The following ANK2 variants were observed in gnomAD, a reference collection of about 807,000 sequenced individuals.
The protein encoded by ANK2 is ankyrin-2.
Under a neutral mutation model 360.5 loss-of-function variants are expected in ANK2, and 83 were observed. The observed-to-expected ratio is 0.23, with a 90% CI of 0.19 to 0.28. The LOEUF (loss-of-function observed/expected upper bound fraction) is 0.28. Ranked by LOEUF, ANK2 falls within the 10% of genes least tolerant of loss-of-function variation. The probability of loss-of-function intolerance (pLI) is 1.00; values close to 1 mark genes in which losing one functional copy is unlikely to be tolerated. For missense variants in ANK2, 4,201 were observed against 4,795.7 expected (o/e 0.88, Z 3.66); for synonymous variants, 1,740 against 1,759.5 (o/e 0.99, Z 0.28).
chr4:113,079,596 T>G (rs2081485829), intron 1 of ANK2, among the ~76,000 whole-genome samples: 1 of 152,206 alleles, frequency 6.6e-6, no homozygotes, highest in African/African-American at 2.4e-5. Context: ...GCAATAAATG[T>G]TTTTTAAGTA....
At chr4:112,780,589 T>A in the ANK2 span, among the ~76,000 whole-genome samples, 1 of 152,218 alleles carries the variant, frequency 6.6e-6, no homozygotes, top group African/African-American at 2.4e-5. Context: ...GATTAGGCTG[T>A]TCTTACACAG....
At chr4:112,879,676 T>C (rs2076186629) in intron 1 of ANK2, among the ~76,000 whole-genome samples, 1 of 152,168 alleles carries the variant, frequency 6.6e-6, no homozygotes, top group African/African-American at 2.4e-5. Flanking sequence ...ATGTATTGAG[T>C]TTTGGAACCG....
chr4:112,719,725 T>C, the ANK2 span, among the ~76,000 whole-genome samples: 2 of 102,552 alleles, frequency 2.0e-5, no homozygotes, highest in Non-Finnish European at 3.8e-5. Context: ...AGACTCCGAC[T>C]CAAAAAAAAA....
intron 2 of ANK2, among the ~76,000 whole-genome samples, chr4:112,936,806 T>C (rs141291179): frequency 2.4e-3 from 361 of 152,256 alleles, no homozygotes; most frequent in African/African-American, 7.9e-3. Flanking sequence ...GTTTGTTTTT[T>C]GAGACAAGGT....
chr4:112,810,010 C>T, the ANK2 span, among the ~76,000 whole-genome samples: 1 of 150,692 alleles, frequency 6.6e-6, no homozygotes, highest in South Asian at 2.1e-4. Flanking sequence ...TTGCCAATTG[C>T]TAACATGTTG....
intron 1 of ANK2, among the ~76,000 whole-genome samples, chr4:113,069,700 C>T (rs1056327300): frequency 6.6e-6 from 1 of 152,158 alleles, no homozygotes; most frequent in African/African-American, 2.4e-5. Flanking sequence ...ACCTCAGGGG[C>T]ACATGTGAGT....
chr4:113,296,792 C>T (rs2071760197), intron 22 of ANK2, among the ~76,000 whole-genome samples: 1 of 152,218 alleles, frequency 6.6e-6, no homozygotes. Context: ...CCAACAAGCC[C>T]AATCCACTAA....
intron 2 of ANK2, among the ~76,000 whole-genome samples, chr4:112,930,591 A>G (rs1351907807): frequency 6.6e-6 from 1 of 152,104 alleles, no homozygotes; most frequent in Non-Finnish European, 1.5e-5. Flanking sequence ...TGTAGGAGTA[A>G]GACTTAAAGT....
At chr4:112,738,822 G>A in the ANK2 span, 66 of 628,648 alleles carry the variant, frequency 1.0e-4, no homozygotes, top group South Asian at 1.6e-4. Flanking sequence ...AAGGTTCAAG[G>A]CCCAGATCTT....
At chr4:113,207,872 C>G (rs907604747) in intron 4 of ANK2, among the ~76,000 whole-genome samples, 4 of 152,042 alleles carry the variant, frequency 2.6e-5, no homozygotes, top group Non-Finnish European at 4.4e-5. Flanking sequence ...CGGAAGAAGA[C>G]CTAGGAAGTG....
chr4:113,026,826 A>G (rs1183210667), intron 2 of ANK2, among the ~76,000 whole-genome samples: 1 of 152,164 alleles, frequency 6.6e-6, no homozygotes, highest in Non-Finnish European at 1.5e-5. Flanking sequence ...AAAAATGATT[A>G]GTATAGGGAA....
At chr4:112,706,803 CT>C in the ANK2 span, 1 of 152,226 alleles carries the variant, frequency 6.6e-6, no homozygotes, top group East Asian at 1.9e-4. Flanking sequence ...TTCCTGTTCT[CT>C]CCACGTCTAT....
chr4:112,844,502 T>A (rs1412722931), intron 1 of ANK2, among the ~76,000 whole-genome samples: 1 of 152,242 alleles, frequency 6.6e-6, no homozygotes, highest in Middle Eastern at 3.2e-3. Flanking sequence ...ATGAGTGACT[T>A]AGGATGGAAA....
At chr4:112,957,128 G>A (rs1481246608) in intron 2 of ANK2, among the ~76,000 whole-genome samples, 1 of 149,976 alleles carries the variant, frequency 6.7e-6, no homozygotes, top group Non-Finnish European at 1.5e-5. Context: ...AGTGAACAAA[G>A]GTCTCTGGTT....
chr4:112,853,209 C>T (rs1157741899), intron 1 of ANK2, among the ~76,000 whole-genome samples: 1 of 152,210 alleles, frequency 6.6e-6, no homozygotes, highest in Non-Finnish European at 1.5e-5. Context: ...GCTGGGATTA[C>T]AGGCATGCAC....
chr4:113,343,555 A>G (rs893297747), intron 34 of ANK2, among the ~76,000 whole-genome samples: 4 of 152,240 alleles, frequency 2.6e-5, no homozygotes, highest in Middle Eastern at 3.2e-3. Context: ...AAGACCCAGC[A>G]TCTCACTTAA....
chr4:112,981,737 T>TA (rs2043176368), intron 2 of ANK2, among the ~76,000 whole-genome samples: 1 of 152,144 alleles, frequency 6.6e-6, no homozygotes, highest in Non-Finnish European at 1.5e-5. Flanking sequence ...AGTGGAAAAG[T>TA]AAAAAGATGC....
At chr4:112,712,053 C>CAT in the ANK2 span, among the ~76,000 whole-genome samples, 2 of 148,792 alleles carry the variant, frequency 1.3e-5, no homozygotes, top group Admixed American at 6.7e-5. Flanking sequence ...CACACACACA[C>CAT]ACATATATAT....
At chr4:112,828,425 G>A (rs907373502) in intron 1 of ANK2, among the ~76,000 whole-genome samples, 2 of 151,970 alleles carry the variant, frequency 1.3e-5, no homozygotes, top group Admixed American at 6.5e-5. Context: ...GTAAAGAGGG[G>A]GGTTTCACCA....
Sources: gnomAD v4.1 joint callset for allele counts (sites outside exome capture counted in the v4.1 genomes callset) on GRCh38, gnomAD v4.1.1 for gene constraint, MANE v1.5 for transcripts, NCBI Gene and HGNC (gene_info 2026-07-23, HGNC 2026-07-21) for gene names.